SLC22A15: variants seen among roughly 807,000 people sequenced by gnomAD.
SLC22A15 encodes solute carrier family 22 member 15, also known as flipt 1.
Under a neutral mutation model 62.7 loss-of-function variants are expected in SLC22A15, and 45 were observed. The observed-to-expected ratio is 0.72, with a 90% CI of 0.56 to 0.92. The LOEUF is 0.92. SLC22A15 is among the 40% of genes least tolerant of loss of function. The pLI, the probability that SLC22A15 is intolerant of heterozygous loss-of-function variation, is 0.00. For synonymous variants in SLC22A15, 264 were observed against 267.0 expected, an observed-to-expected ratio of 0.99 and a Z score of 0.11; for missense variants, 622 against 665.6, an observed-to-expected ratio of 0.93 and a Z score of 0.72.
chr1:116,024,308 G>T (rs1370776991), intron 4 of SLC22A15, among the ~76,000 whole-genome samples: 3 of 152,180 alleles, frequency 2.0e-5, no homozygotes, highest in Non-Finnish European at 4.4e-5. Flanking sequence ...GTCTGTATTT[G>T]AAGATGGATT....
At chr1:116,052,750 A>T (rs1055771338) in intron 8 of SLC22A15, among the ~76,000 whole-genome samples, 6 of 152,208 alleles carry the variant, frequency 3.9e-5, no homozygotes, top group Non-Finnish European at 5.9e-5. Context: ...GCGGTTCACG[A>T]AAATCTACTG....
intron 1 of SLC22A15, among the ~76,000 whole-genome samples, chr1:115,987,122 AG>A (rs1484557606): frequency 6.6e-6 from 1 of 151,728 alleles, no homozygotes; most frequent in East Asian, 1.9e-4. Context: ...GAGTTTCATG[AG>A]GAGTTTCAGG....
At chr1:116,007,417 A>G (rs1420431415) in intron 2 of SLC22A15, among the ~76,000 whole-genome samples, 1 of 152,198 alleles carries the variant, frequency 6.6e-6, no homozygotes, top group East Asian at 1.9e-4. Context: ...GATGCTTTGC[A>G]AGGGTGGCTG....
At chr1:116,011,944 A>G (rs1354557061) in intron 2 of SLC22A15, among the ~76,000 whole-genome samples, 1 of 152,150 alleles carries the variant, frequency 6.6e-6, no homozygotes, top group Non-Finnish European at 1.5e-5. Context: ...GTGGTCCTAC[A>G]TTATTCATCT....
intron 2 of SLC22A15, among the ~76,000 whole-genome samples, chr1:116,003,342 C>T (rs115493134): frequency 6.6e-6 from 1 of 152,168 alleles, no homozygotes; most frequent in East Asian, 1.9e-4. Context: ...AGCTGGTGTC[C>T]CACTGGATCA....
In SLC22A15 at chr1:116,019,258, G is replaced by T. The variant is rs981060234; in HGVS notation, c.301-324G>T. Among the ~76,000 whole-genome samples the T allele has an allele frequency of 2.6e-5, 4 of 152,206 alleles. No homozygotes were observed. In the South Asian group the frequency reaches 8.3e-4, roughly 31 times the overall value. On this transcript the variant is annotated intron_variant, in intron 2 of 11. Coordinates refer to ENST00000369503, the MANE Select transcript of SLC22A15 (RefSeq NM_018420.3). ...AGAGAATGGAAATAAATGGGACAAG[G>T]CTCCTCTCAAGAAACACAGAGCCTT...
intron 1 of SLC22A15, among the ~76,000 whole-genome samples, chr1:115,981,506 G>C (rs4839052): frequency 0.49 from 73,970 of 152,040 alleles, 20,695 homozygotes; most frequent in Non-Finnish European, 0.64. Flanking sequence ...GACAAACACA[G>C]TGGTTTGGTC....
At chr1:116,020,940 T>C (rs747584842) in intron 4 of SLC22A15, 55 bp downstream of exon 4, 10 of 1,490,258 alleles carry the variant, frequency 6.7e-6, no homozygotes, top group East Asian at 2.3e-5. Context: ...GAAAATTTTA[T>C]AGGGACCCAG....
At chr1:116,041,030 G>A (rs1433552993) in intron 8 of SLC22A15, among the ~76,000 whole-genome samples, 2 of 152,198 alleles carry the variant, frequency 1.3e-5, no homozygotes, top group African/African-American at 4.8e-5. Context: ...CTTGGCCAGT[G>A]TTGAAGAACC....
intron 2 of SLC22A15, among the ~76,000 whole-genome samples, chr1:116,005,586 T>A (rs1177834244): frequency 1.3e-5 from 2 of 152,164 alleles, no homozygotes; most frequent in African/African-American, 4.8e-5. Flanking sequence ...TCCTAGCTCT[T>A]TAGTCTCCTA....
At chr1:116,033,704 G>C (rs551261264) in intron 6 of SLC22A15, among the ~76,000 whole-genome samples, 2 of 151,958 alleles carry the variant, frequency 1.3e-5, no homozygotes, top group African/African-American at 4.8e-5. Context: ...TTTTAAAAAC[G>C]TTTTAGAAAA....
At chr1:115,984,079 T>G (rs1257496177) in intron 1 of SLC22A15, among the ~76,000 whole-genome samples, 1 of 152,108 alleles carries the variant, frequency 6.6e-6, no homozygotes, top group East Asian at 1.9e-4. Flanking sequence ...AATTAAAACA[T>G]TTGAATTGAT....
chr1:116,020,573 A>C (rs957109514), intron 3 of SLC22A15, 148 bp from the exon 4 acceptor site: 21 of 701,458 alleles, frequency 3.0e-5, no homozygotes, highest in Non-Finnish European at 4.3e-5. Context: ...AAACAAAAAA[A>C]CAAAAAAAAA....
intron 4 of SLC22A15, 116 bp from the exon 5 acceptor site, chr1:116,026,777 G>T: frequency 8.1e-7 from 1 of 1,242,160 alleles, no homozygotes; most frequent in Non-Finnish European, 1.1e-6. Flanking sequence ...GCCTCTTATA[G>T]TTGCCAGCAT....
chr1:116,037,261 A>G, intron 7 of SLC22A15, 42 bp from the exon 8 acceptor site: 1 of 1,486,430 alleles, frequency 6.7e-7, no homozygotes, highest in Non-Finnish European at 9.4e-7. Flanking sequence ...ATGAATTTAT[A>G]AGGTTCTTAA....
intron 2 of SLC22A15, among the ~76,000 whole-genome samples, chr1:116,004,074 T>C (rs1655861383): frequency 6.6e-6 from 1 of 152,196 alleles, no homozygotes. Flanking sequence ...CTCTCCTTAA[T>C]TCCTGTTTTC....
chr1:116,024,110 A>G (rs907448117), intron 4 of SLC22A15, among the ~76,000 whole-genome samples: 24 of 152,226 alleles, frequency 1.6e-4, no homozygotes, highest in Admixed American at 7.2e-4. Context: ...TTACTCTGGT[A>G]GGTACAGAAA....
rs1410684927 is a variant in SLC22A15, at chr1:116,027,003, G to C, written c.709G>C (p.Val237Leu). ...LAILVNLQGT[V>L]VFLLSLFIPE... The stretch of plus-strand genomic sequence containing the variant: ...CATTCTGGTTAACCTGCAGGGAACG[G>C]TGGTCTTTCTCTTATCTTTGTAAGT... Residue 237 changes from valine to leucine, a missense_variant, in exon 5 of 12, where the codon GTG (valine) becomes CTG (leucine). By Grantham distance (32) the Val-to-Leu change is conservative. Transcript: ENST00000369503. The C allele has an allele frequency of 1.2e-6, 2 of 1,613,706 alleles. No individual in the cohort carries two copies. Among genetic ancestry groups the C allele is most frequent in the Non-Finnish European group, 1.7e-6 (2 of 1,179,756 alleles).
At chr1:116,060,509 G>A (rs370681238) in intron 8 of SLC22A15, among the ~76,000 whole-genome samples, 2 of 152,276 alleles carry the variant, frequency 1.3e-5, no homozygotes. Context: ...AAGGATGGCA[G>A]TTCTTTAGCC....
Sources: allele counts gnomAD v4.1 joint callset (sites outside exome capture counted in the v4.1 genomes callset), GRCh38; gene constraint gnomAD v4.1.1; transcripts MANE v1.5; gene names NCBI Gene and HGNC (gene_info 2026-07-23, HGNC 2026-07-21).